The following LAMA1 variants were observed in gnomAD, a reference collection of about 807,000 sequenced individuals.
The protein encoded by LAMA1 is laminin subunit alpha 1.
A neutral mutation model predicts 348.7 loss-of-function variants in LAMA1; 219 were observed. That is an observed-to-expected ratio of 0.63 (90% CI 0.56 to 0.70). The LOEUF is 0.70. LAMA1 is among the 30% of genes least tolerant of loss of function. The pLI is 0.00. For synonymous variants in LAMA1, 1,487 were observed against 1,491.0 expected, an observed-to-expected ratio of 1.00 and a Z score of 0.06; for missense variants, 3,744 against 3,888.0, an observed-to-expected ratio of 0.96 and a Z score of 0.99.
At chr18:7,115,347 G>T (rs1053427238) in intron 1 of LAMA1, among the ~76,000 whole-genome samples, 8 of 152,272 alleles carry the variant, frequency 5.3e-5, no homozygotes, top group African/African-American at 1.9e-4. Flanking sequence ...AATTTTATGT[G>T]ATTGCCAGCT....
intron 13 of LAMA1, among the ~76,000 whole-genome samples, chr18:7,035,422 T>A (rs2057989880): frequency 6.7e-6 from 1 of 149,884 alleles, no homozygotes; most frequent in Non-Finnish European, 1.5e-5. Context: ...TCCTTTTTAC[T>A]TAAAATTTTT....
rs1169729271 is a variant in LAMA1, at chr18:6,947,447, A to G, written c.8711-151T>C. ...ACCAGCAGGTCACTCCTGCCCTCTG[A>G]GCCTCGGCTTCCACATCTGGGAGAT... On this transcript the variant is annotated intron_variant, in intron 60 of 62. Coordinates refer to ENST00000389658, the MANE Select transcript of LAMA1 (RefSeq NM_005559.4). 7 of 870,712 alleles carry G rather than the reference A, an allele frequency of 8.0e-6. No individual in the cohort carries two copies. The Admixed American group carries it at 1.2e-4, about 15-fold the overall frequency. The allele number at this position is 870,712 out of a possible 1,614,324, so 53.9% of individuals were successfully genotyped here.
At chr18:7,086,744 CG>C (rs2058219146) in intron 1 of LAMA1, among the ~76,000 whole-genome samples, 1 of 152,182 alleles carries the variant, frequency 6.6e-6, no homozygotes, top group Non-Finnish European at 1.5e-5. Flanking sequence ...CACAGGCGCA[CG>C]GGACCGAGCA....
rs552936034 is a variant in LAMA1 at position 7,017,088 on chromosome 18, G to A, written c.2808+190C>T. 5.3e-5 allele frequency among the ~76,000 whole-genome samples: 8 copies of A among 152,238 alleles called. No individual in the cohort carries two copies. The South Asian group carries it at 1.7e-3, about 32-fold the overall frequency. On this transcript the variant is annotated intron_variant, in intron 20 of 62. Coordinates refer to ENST00000389658, the MANE Select transcript of LAMA1 (RefSeq NM_005559.4). ...TCCACCATGATTGTAAGTTTCCTGA[G>A]GCCTCCCCAACCATGCGAAACTGTG... is the stretch of plus-strand genomic sequence containing the variant.
intron 10 of LAMA1, among the ~76,000 whole-genome samples, chr18:7,039,370 T>C (rs745469843): frequency 1.3e-5 from 2 of 152,204 alleles, no homozygotes; most frequent in African/African-American, 2.4e-5. Context: ...GAATGTCCTA[T>C]GAATTATGAA....
Position 6,979,862 on chromosome 18 carries a change from G to C in LAMA1, c.6007+659C>G, listed in dbSNP as rs571718984. On this transcript the variant is annotated intron_variant, in intron 42 of 62. Transcript: ENST00000389658. ...TGCAGTGAGCCAAGATCGCGCCACT[G>C]CACTCCAGCCTGGGCGACAGAGCGA... Among the ~76,000 whole-genome samples, 7 of 152,310 alleles carry C rather than the reference G, an allele frequency of 4.6e-5. No individual in the cohort carries two copies. In the East Asian group the frequency reaches 7.7e-4, roughly 17 times the overall value.
chr18:7,072,849 C>T (rs1461567468), intron 3 of LAMA1, among the ~76,000 whole-genome samples: 1 of 152,096 alleles, frequency 6.6e-6, no homozygotes, highest in Admixed American at 6.5e-5. Flanking sequence ...TCCCTGACGG[C>T]GACACTAGTG....
intron 13 of LAMA1, 117 bp from the exon 14 acceptor site, chr18:7,034,807 G>A: frequency 4.7e-6 from 4 of 852,534 alleles, no homozygotes; most frequent in Non-Finnish European, 7.5e-6. Context: ...GCTTCTTGTG[G>A]CAAACGTGTA....
At chr18:6,952,468 G>A (rs759470576) in intron 57 of LAMA1, among the ~76,000 whole-genome samples, 7 of 152,142 alleles carry the variant, frequency 4.6e-5, no homozygotes, top group Non-Finnish European at 7.3e-5. Flanking sequence ...GGAATGTGAC[G>A]TCTCCTGGGG....
chr18:6,999,501 C>T lies in LAMA1; in HGVS notation c.4607G>A (p.Gly1536Glu), dbSNP rs2144091010. The change falls in exon 32 of 63, where the codon GGG becomes GAG. Residue 1536 changes from glycine to glutamate, a missense_variant. Around this residue, in one of 3 missense-constraint regions of LAMA1, gnomAD observed 1,983 missense variants for 1,934.3 expected, o/e 1.03. Transcript: ENST00000389658. ...CGGTTCACACTCATCGCACCGGAGC[C>T]CCGAGGCCCCCAGCCTGCAAACGCA... The part of the protein sequence containing the change: ...GQCVCRLGAS[G>E]LRCDECEPRH... 3.1e-6 allele frequency: 5 copies of T among 1,614,078 alleles called. No homozygotes were observed. The highest frequency in any genetic ancestry group is 4.2e-6 in the Non-Finnish European group (5 of 1,180,008).
chr18:7,072,112 A>G (rs985706214), intron 3 of LAMA1, among the ~76,000 whole-genome samples: 1 of 152,186 alleles, frequency 6.6e-6, no homozygotes. Context: ...TTCCATCTTA[A>G]TTTCCTAATC....
At chr18:7,103,945 G>A (rs555657776) in intron 1 of LAMA1, among the ~76,000 whole-genome samples, 30 of 152,132 alleles carry the variant, frequency 2.0e-4, no homozygotes, top group African/African-American at 4.1e-4. Flanking sequence ...CCCTCTGTCC[G>A]TCTGTCTGGT....
intron 17 of LAMA1, 66 bp downstream of exon 17, chr18:7,025,913 T>C: frequency 6.4e-7 from 1 of 1,559,816 alleles, no homozygotes; most frequent in Non-Finnish European, 8.7e-7. Context: ...CTGAAGTCAT[T>C]AGTACGCATC....
At chr18:6,979,824 G>T (rs28698000) in intron 42 of LAMA1, among the ~76,000 whole-genome samples, 1 of 150,916 alleles carries the variant, frequency 6.6e-6, no homozygotes, top group South Asian at 2.1e-4. Flanking sequence ...GTGTGAACCC[G>T]GGGGGCGGAG....
In LAMA1 at chr18:6,975,009, G is replaced by T; in HGVS notation, c.6517C>A (p.Arg2173=). 1 of 1,613,918 alleles carries T rather than the reference G, an allele frequency of 6.2e-7. No homozygotes were observed. The highest frequency in any genetic ancestry group is 8.5e-7 in the Non-Finnish European group (1 of 1,179,948). The change falls in exon 46 of 63, where the codon CGA becomes AGA. Residue 2173 remains arginine, a synonymous_variant. Transcript: ENST00000389658. ...TCCCACAGGAAGGCCACTCTCCCTC[G>T]CCGCATCTCCACTGCAAGGAAATCA... ...ASDFLAVEMR[R]GRVAFLWDLG...
At chr18:7,030,702 T>C (rs2057964863) in intron 16 of LAMA1, among the ~76,000 whole-genome samples, 1 of 152,252 alleles carries the variant, frequency 6.6e-6, no homozygotes, top group South Asian at 2.1e-4. Flanking sequence ...TTAAGGCCAG[T>C]TGCTATTTAG....
intron 31 of LAMA1, 83 bp downstream of exon 31, chr18:6,999,828 A>C: frequency 7.5e-7 from 1 of 1,339,546 alleles, no homozygotes. Context: ...AATGGCTCCC[A>C]GATTACTATA....
chr18:7,002,305 A>G lies in LAMA1; in HGVS notation c.4341T>C (p.Ser1447=). The G allele has an allele frequency of 6.2e-7, 1 of 1,613,482 alleles. No individual in the cohort carries two copies. Among genetic ancestry groups the G allele is most frequent in the Non-Finnish European group, 8.5e-7 (1 of 1,179,994 alleles). ...GAGGACAGGCACACAGAGCACAGTC[A>G]CTTGCTGAGCCAGTCACCTTCCCGT... ...GYYGKVTGSA[S]DCALCACPHS... is the part of the protein sequence containing the mutation. The change falls in exon 30 of 63, where the codon AGT becomes AGC. Residue 1447 remains serine (S), a synonymous_variant. Transcript: ENST00000389658.
Position 6,971,854 on chromosome 18 carries a change from T to C in LAMA1, c.6899+3A>G, listed in dbSNP as rs758250594. The C allele has an allele frequency of 6.2e-6, 10 of 1,614,022 alleles. No homozygotes were observed. In the South Asian group the frequency reaches 1.1e-4, roughly 18 times the overall value. The stretch of plus-strand genomic sequence containing the variant: ...TATGTGCTAAACCGTGACGACATCT[T>C]ACCTTCCGAAGCACCCACGGCACTT... On this transcript the variant is annotated splice_donor_region_variant and intron_variant, in intron 48 of 62. Transcript: ENST00000389658.
Sources: allele counts gnomAD v4.1 joint callset (sites outside exome capture counted in the v4.1 genomes callset), GRCh38; gene constraint gnomAD v4.1.1; regional missense constraint gnomAD v4.1.1; transcripts MANE v1.5; gene names NCBI Gene and HGNC (gene_info 2026-07-23, HGNC 2026-07-21).